Variants in LARP1 observed in about 807,000 individuals in gnomAD.
LARP1 encodes La ribonucleoprotein 1, translational regulator.
A neutral mutation model predicts 122.7 loss-of-function variants in LARP1; 36 were observed. That is an observed-to-expected ratio of 0.29 (90% CI 0.22 to 0.39). The LOEUF (loss-of-function observed/expected upper bound fraction) is 0.39, where lower values mean the gene tolerates loss of function less well. Ranked by LOEUF, LARP1 falls within the 10% of genes least tolerant of loss-of-function variation. LARP1 has a pLI of 1.00. For missense variants in LARP1, 1,040 were observed against 1,403.6 expected (o/e 0.74, Z 4.14); for synonymous variants, 539 against 528.7 (o/e 1.02, Z -0.27).
chr5:154,733,567 CTT>C (rs11350739), intron 1 of LARP1, among the ~76,000 whole-genome samples: 129 of 141,522 alleles, frequency 9.1e-4, no homozygotes, highest in Non-Finnish European at 1.1e-3. Context: ...TTCTTTCTTT[CTT>C]TTTTTTTTTT....
chr5:154,722,659 C>T (rs1252192973), intron 1 of LARP1, among the ~76,000 whole-genome samples: 3 of 150,034 alleles, frequency 2.0e-5, no homozygotes, highest in East Asian at 2.0e-4. Context: ...GTGAAAGGGA[C>T]CTCATGCATC....
chr5:154,804,581 A>G, intron 14 of LARP1, among the ~76,000 whole-genome samples: 1 of 152,194 alleles, frequency 6.6e-6, no homozygotes, highest in Non-Finnish European at 1.5e-5. Flanking sequence ...CTGGCTATCT[A>G]CTTTCTGTCT....
intron 1 of LARP1, among the ~76,000 whole-genome samples, chr5:154,732,096 G>T (rs1756609187): frequency 6.6e-6 from 1 of 151,596 alleles, no homozygotes. Context: ...AACCCGGGAG[G>T]CGGAGGTTGC....
At chr5:154,708,607 G>GT (rs1038854727), upstream of LARP1, among the ~76,000 whole-genome samples, 36 of 151,326 alleles carry the variant, frequency 2.4e-4, no homozygotes, top group South Asian at 4.2e-4. Context: ...TCTGCAAAAT[G>GT]TTTTTTTTTG....
intron 1 of LARP1, among the ~76,000 whole-genome samples, chr5:154,773,620 C>T (rs760955423): frequency 3.9e-5 from 6 of 152,238 alleles, no homozygotes; most frequent in Admixed American, 6.5e-5. Context: ...ATTTAAAACA[C>T]AAGCACCCTG....
At chr5:154,723,081 C>G (rs1443851582) in intron 1 of LARP1, among the ~76,000 whole-genome samples, 1 of 152,192 alleles carries the variant, frequency 6.6e-6, no homozygotes, top group Non-Finnish European at 1.5e-5. Flanking sequence ...GAGGTAGAGC[C>G]TGAACGAAAG....
intron 1 of LARP1, among the ~76,000 whole-genome samples, chr5:154,775,517 C>T (rs1483285306): frequency 6.6e-6 from 1 of 151,112 alleles, no homozygotes; most frequent in Non-Finnish European, 1.5e-5. Context: ...AAAGGCGACT[C>T]CCCTGCGGCT....
chr5:154,724,801 A>G (rs541667895), intron 1 of LARP1, among the ~76,000 whole-genome samples: 2 of 151,786 alleles, frequency 1.3e-5, no homozygotes, highest in East Asian at 3.9e-4. Flanking sequence ...CAAGTAGCTG[A>G]GACTACAGGT....
In LARP1 at chr5:154,787,070, G is replaced by A. The variant is rs188087380; in HGVS notation, c.437-3255G>A. Reference sequence around the variant, plus strand: ...AATTTTGTAATTTTAGTAGAGATGGGGTTTCTCCATGTTGCTCAGGCTGGT... The same window carrying A: ...AATTTTGTAATTTTAGTAGAGATGGAGTTTCTCCATGTTGCTCAGGCTGGT... On this transcript the variant is annotated intron_variant, in intron 1 of 18. Coordinates refer to ENST00000518297, the MANE Select transcript of LARP1 (RefSeq NM_033551.3). Among the ~76,000 whole-genome samples, 3 of 152,098 alleles carry A rather than the reference G, an allele frequency of 2.0e-5. No individual in the cohort carries two copies. In the East Asian group the frequency reaches 5.8e-4, roughly 29 times the overall value.
chr5:154,738,792 C>T (rs1757057223), intron 1 of LARP1, among the ~76,000 whole-genome samples: 1 of 152,078 alleles, frequency 6.6e-6, no homozygotes, highest in African/African-American at 2.4e-5. Flanking sequence ...CATAGTGGCT[C>T]ATGCCTGTAA....
chr5:154,776,889 C>T (rs933571743), intron 1 of LARP1, among the ~76,000 whole-genome samples: 2 of 152,204 alleles, frequency 1.3e-5, no homozygotes, highest in Admixed American at 6.5e-5. Flanking sequence ...TGGAACAGCT[C>T]TGCTATTTTT....
rs138027824 is a variant in LARP1 at position 154,775,493 on chromosome 5, C to CAA, written c.437-14817_437-14816dup. 4.5e-3 allele frequency among the ~76,000 whole-genome samples: 452 copies of CAA among 100,212 alleles called. 2 individuals carry two copies. The highest frequency in any genetic ancestry group is 0.014 in the African/African-American group (402 of 27,748). The allele number at this position is 100,212 out of a possible 152,430, so 65.7% of individuals were successfully genotyped here. On this transcript the variant is annotated intron_variant, in intron 1 of 18. Coordinates refer to ENST00000518297, the MANE Select transcript of LARP1 (RefSeq NM_033551.3). ...TGGGTAACAAAGTGAGACCCTCCCT[C>CAA]AAAAAAAAAAAAAAAAGGCGACTCC...
chr5:154,691,672 C>T (rs1260205036), intron 1 of LARP1, among the ~76,000 whole-genome samples: 3 of 152,254 alleles, frequency 2.0e-5, no homozygotes, highest in Admixed American at 2.0e-4. Flanking sequence ...CGTCCCTGTT[C>T]CCTGGGGCAG....
chr5:154,761,831 G>C (rs1754472958), intron 1 of LARP1, among the ~76,000 whole-genome samples: 1 of 152,180 alleles, frequency 6.6e-6, no homozygotes, highest in Non-Finnish European at 1.5e-5. Flanking sequence ...CTCACTTTGT[G>C]ACCTTAGATT....
chr5:154,731,549 A>G (rs986833872), intron 1 of LARP1, among the ~76,000 whole-genome samples: 3 of 152,114 alleles, frequency 2.0e-5, no homozygotes, highest in Non-Finnish European at 2.9e-5. Context: ...CCCTGCAACC[A>G]TAGACATTTC....
intron 8 of LARP1, among the ~76,000 whole-genome samples, chr5:154,799,132 G>A (rs111372709): frequency 6.6e-6 from 1 of 152,230 alleles, no homozygotes; most frequent in Non-Finnish European, 1.5e-5. Context: ...AAAGTGCTAG[G>A]ATTATAGACG....
At chr5:154,706,996 A>G (rs1754983041) in intron 1 of LARP1, among the ~76,000 whole-genome samples, 2 of 152,092 alleles carry the variant, frequency 1.3e-5, no homozygotes, top group Admixed American at 1.3e-4. Context: ...TAATTTATTC[A>G]TTTTGGTTGT....
upstream of LARP1, among the ~76,000 whole-genome samples, chr5:154,707,898 T>G (rs930547254): frequency 1.3e-5 from 2 of 152,178 alleles, no homozygotes; most frequent in African/African-American, 4.8e-5. Context: ...TCAGTGCTTT[T>G]GTGGCAGTCT....
At chr5:154,764,622 TGG>T (rs1754769890) in intron 1 of LARP1, among the ~76,000 whole-genome samples, 2 of 94,916 alleles carry the variant, frequency 2.1e-5, no homozygotes, top group African/African-American at 8.1e-5. Context: ...AAAAAAAAAC[TGG>T]CTGGGCGTAG....
Sources: gnomAD v4.1 joint callset for allele counts (sites outside exome capture counted in the v4.1 genomes callset) on GRCh38, gnomAD v4.1.1 for gene constraint, MANE v1.5 for transcripts, NCBI Gene and HGNC (gene_info 2026-07-23, HGNC 2026-07-21) for gene names.